Variants in MOB1B observed in about 807,000 individuals in gnomAD.
MOB1B encodes the protein MOB kinase activator 1B, also known as MOB1 Mps One Binder homolog B.
A neutral mutation model predicts 24.4 loss-of-function variants in MOB1B; 19 were observed. That is an observed-to-expected ratio of 0.78 (90% CI 0.54 to 1.14). MOB1B has a LOEUF of 1.14. Ranked by LOEUF, MOB1B falls within the 50% of genes most tolerant of loss-of-function variation. The probability of loss-of-function intolerance (pLI) is 0.00; values close to 1 mark genes in which losing one functional copy is unlikely to be tolerated. For missense variants in MOB1B, 243 were observed against 259.6 expected (o/e 0.94, Z 0.44); for synonymous variants, 76 against 82.1 (o/e 0.93, Z 0.40).
intron 1 of MOB1B, among the ~76,000 whole-genome samples, chr4:70,935,553 G>A (rs954655720): frequency 6.6e-6 from 1 of 152,142 alleles, no homozygotes; most frequent in Admixed American, 6.5e-5. Context: ...AGGACTTCCC[G>A]ACACTGCTTA....
chr4:70,909,638 G>A (rs1560626931), intron 1 of MOB1B, among the ~76,000 whole-genome samples: 1 of 152,130 alleles, frequency 6.6e-6, no homozygotes, highest in Non-Finnish European at 1.5e-5. Context: ...GCACAGAGAG[G>A]TTACATAATT....
intron 1 of MOB1B, among the ~76,000 whole-genome samples, chr4:70,940,845 T>G (rs1737303252): frequency 6.6e-6 from 1 of 150,810 alleles, no homozygotes; most frequent in African/African-American, 2.4e-5. Context: ...CCCGGCTAAT[T>G]TTGTATTTTT....
intron 2 of MOB1B, among the ~76,000 whole-genome samples, chr4:70,963,275 AC>A (rs935884413): frequency 6.6e-6 from 1 of 151,544 alleles, no homozygotes; most frequent in African/African-American, 2.4e-5. Flanking sequence ...TGGGAGGAAT[AC>A]TTGAGCCCAG....
chr4:70,955,723 A>AG (rs1288458235), intron 1 of MOB1B, among the ~76,000 whole-genome samples: 2 of 151,926 alleles, frequency 1.3e-5, no homozygotes, highest in East Asian at 3.9e-4. Flanking sequence ...CACCTGCCTC[A>AG]GCCTCCCAAA....
At chr4:70,922,941 C>T (rs934339023) in intron 1 of MOB1B, among the ~76,000 whole-genome samples, 6 of 152,084 alleles carry the variant, frequency 3.9e-5, no homozygotes, top group Non-Finnish European at 5.9e-5. Context: ...TTTTACTTTG[C>T]CCCAATAGAT....
chr4:70,955,164 G>A (rs1199353354), intron 1 of MOB1B, among the ~76,000 whole-genome samples: 2 of 152,040 alleles, frequency 1.3e-5, no homozygotes, highest in Non-Finnish European at 2.9e-5. Context: ...CTAAAACGTC[G>A]GGGCAGAGTG....
At chr4:70,926,221 G>A (rs189580764) in intron 1 of MOB1B, among the ~76,000 whole-genome samples, 1 of 151,878 alleles carries the variant, frequency 6.6e-6, no homozygotes, top group East Asian at 1.9e-4. Context: ...CTGGGCTCAA[G>A]CAGTCCGTCC....
intron 4 of MOB1B, chr4:70,976,519 G>A (rs1001468968): frequency 3.6e-5 from 35 of 984,776 alleles, no homozygotes; most frequent in Middle Eastern, 5.2e-4. Context: ...AATTGTTTAC[G>A]TTTAGATAGT....
chr4:70,930,939 T>A (rs1736866991), intron 1 of MOB1B, among the ~76,000 whole-genome samples: 1 of 150,716 alleles, frequency 6.6e-6, no homozygotes, highest in South Asian at 2.1e-4. Flanking sequence ...AAGGGACTTC[T>A]TTAAACATTT....
At chr4:70,959,627 T>C (rs1319754922) in intron 2 of MOB1B, among the ~76,000 whole-genome samples, 1 of 152,254 alleles carries the variant, frequency 6.6e-6, no homozygotes, top group East Asian at 1.9e-4. Context: ...AAACACTGTA[T>C]AGACATACCA....
intron 1 of MOB1B, among the ~76,000 whole-genome samples, chr4:70,909,261 A>C (rs1479547758): frequency 2.6e-5 from 4 of 152,014 alleles, no homozygotes; most frequent in Non-Finnish European, 4.4e-5. Context: ...CAAGCCCCCA[A>C]AGCCAGCATT....
chr4:70,985,181 A>G lies in MOB1B; in HGVS notation c.*3124A>G, dbSNP rs1158638327. The G allele has an allele frequency of 2.0e-5, 3 of 152,224 alleles. No homozygotes were observed. Among genetic ancestry groups the G allele is most frequent in the South Asian group, 2.1e-4 (1 of 4,834 alleles). 9.4% of individuals were successfully genotyped at this position (152,224 alleles called of 1,614,324 possible). A position where few individuals can be genotyped will look rare whatever the true frequency, so the allele number is the denominator to read the frequency against. ...TTTCCTTGCTTATGGGAAAATAGCAAAACAACATTTCATTTATACTTTTGT... is the reference window on the plus strand; with the variant it reads ...TTTCCTTGCTTATGGGAAAATAGCAGAACAACATTTCATTTATACTTTTGT... On this transcript the variant is annotated 3_prime_UTR_variant, in exon 6 of 6. Transcript: ENST00000309395.
intron 3 of MOB1B, among the ~76,000 whole-genome samples, chr4:70,974,563 A>G (rs1219878158): frequency 1.3e-5 from 2 of 152,162 alleles, no homozygotes; most frequent in African/African-American, 4.8e-5. Context: ...TTATTGAATC[A>G]AAGGATGGTG....
intron 1 of MOB1B, among the ~76,000 whole-genome samples, chr4:70,924,031 G>A (rs1316768581): frequency 6.6e-6 from 1 of 150,630 alleles, no homozygotes; most frequent in East Asian, 1.9e-4. Context: ...TAAATAAAGA[G>A]TAATTTAGTA....
intron 1 of MOB1B, among the ~76,000 whole-genome samples, chr4:70,943,752 A>G (rs1737449286): frequency 6.6e-6 from 1 of 152,232 alleles, no homozygotes; most frequent in Non-Finnish European, 1.5e-5. Flanking sequence ...ATATATTGGT[A>G]AATTAGAGAA....
chr4:70,915,572 C>T (rs936202457), intron 1 of MOB1B, among the ~76,000 whole-genome samples: 3 of 152,140 alleles, frequency 2.0e-5, no homozygotes, highest in Non-Finnish European at 4.4e-5. Flanking sequence ...AAGTTATAGT[C>T]ATTTACTTGG....
At chr4:70,911,086 A>G (rs1680255883) in intron 1 of MOB1B, among the ~76,000 whole-genome samples, 1 of 152,094 alleles carries the variant, frequency 6.6e-6, no homozygotes, top group South Asian at 2.1e-4. Flanking sequence ...GCGCCCTGCT[A>G]ACTTCTTCTG....
At chr4:70,952,817 A>G (rs559377635) in intron 1 of MOB1B, among the ~76,000 whole-genome samples, 1 of 151,356 alleles carries the variant, frequency 6.6e-6, no homozygotes, top group East Asian at 1.9e-4. Context: ...TGTGAGATGT[A>G]TGCATTTGGG....
chr4:70,918,552 G>T (rs1361287887), intron 1 of MOB1B, among the ~76,000 whole-genome samples: 1 of 151,424 alleles, frequency 6.6e-6, no homozygotes, highest in Non-Finnish European at 1.5e-5. Flanking sequence ...TTTTTTTCTT[G>T]TAAATTTGTT....
Sources: gnomAD v4.1 joint callset for allele counts (sites outside exome capture counted in the v4.1 genomes callset) on GRCh38, gnomAD v4.1.1 for gene constraint, MANE v1.5 for transcripts, NCBI Gene and HGNC (gene_info 2026-07-23, HGNC 2026-07-21) for gene names.